The following LAPTM4A variants were observed in gnomAD, a reference collection of about 807,000 sequenced individuals.
The protein encoded by LAPTM4A is lysosomal protein transmembrane 4 alpha, also known as lysosomal-associated transmembrane protein 4A.
A neutral mutation model predicts 29.9 loss-of-function variants in LAPTM4A; 19 were observed. The ratio of observed to expected loss-of-function variants is 0.64; its 90% CI spans 0.44 to 0.93. LAPTM4A has a LOEUF of 0.93. Among genes scored for constraint, LAPTM4A ranks in the 40% least tolerant of loss-of-function variants. The pLI, the probability that LAPTM4A is intolerant of heterozygous loss-of-function variation, is 0.00. For synonymous variants in LAPTM4A, 105 were observed against 102.1 expected (o/e 1.03, Z -0.17); for missense variants, 293 against 288.5 (o/e 1.02, Z -0.11).
At chr2:20,048,484 C>T (rs2148215778) in intron 1 of LAPTM4A, among the ~76,000 whole-genome samples, 1 of 152,250 alleles carries the variant, frequency 6.6e-6, no homozygotes, top group East Asian at 1.9e-4. Flanking sequence ...CTATTTTGTA[C>T]CATACAATGA....
intron 1 of LAPTM4A, among the ~76,000 whole-genome samples, chr2:20,045,189 A>G (rs1673892210): frequency 1.3e-5 from 2 of 152,256 alleles, no homozygotes; most frequent in Admixed American, 6.5e-5. Context: ...GTAATCTTAC[A>G]ATACAAAATT....
Position 20,037,357 on chromosome 2 carries a change from G to A in LAPTM4A, c.391C>T (p.Leu131Phe), listed in dbSNP as rs11542929. 2.5e-6 allele frequency: 4 copies of A among 1,613,178 alleles called. No individual in the cohort carries two copies. Among genetic ancestry groups the A allele is most frequent in the Non-Finnish European group, 8.5e-7 (1 of 1,179,474 alleles). Residue 131 changes from leucine to phenylalanine, a missense_variant, in exon 4 of 7, where the codon CTC becomes TTC. By Grantham distance (22) the Leu-to-Phe change is conservative. Coordinates refer to ENST00000175091, the MANE Select transcript of LAPTM4A (RefSeq NM_014713.5). ...TCTTTGATTCTTGGCAAATAGGTGAGAGAACTAATAGCAACCAGGCAACTG... is the reference window on the plus strand; with the variant it reads ...TCTTTGATTCTTGGCAAATAGGTGAAAGAACTAATAGCAACCAGGCAACTG... ...VLSCLVAISSLTYLPRIKEYL... is the reference protein window; with the variant it reads ...VLSCLVAISSFTYLPRIKEYL...
intron 4 of LAPTM4A, 135 bp downstream of exon 4, chr2:20,037,181 G>A (rs947098779): frequency 1.5e-5 from 10 of 688,670 alleles, no homozygotes; most frequent in Non-Finnish European, 1.6e-5. Context: ...TAAGAGAGCA[G>A]AAATAATTAT....
intron 1 of LAPTM4A, among the ~76,000 whole-genome samples, chr2:20,046,623 G>A (rs1673924734): frequency 6.6e-6 from 1 of 150,462 alleles, no homozygotes; most frequent in African/African-American, 2.4e-5. Context: ...CTGTAGCTGG[G>A]ACTACAGGCA....
intron 6 of LAPTM4A, among the ~76,000 whole-genome samples, chr2:20,033,876 G>A (rs919814249): frequency 6.6e-6 from 1 of 152,180 alleles, no homozygotes; most frequent in Non-Finnish European, 1.5e-5. Context: ...TTAGAGGGCT[G>A]TGAAAGGTAG....
chr2:20,042,686 G>A (rs1408338835), intron 1 of LAPTM4A, among the ~76,000 whole-genome samples: 1 of 152,214 alleles, frequency 6.6e-6, no homozygotes, highest in East Asian at 1.9e-4. Flanking sequence ...GTCTCCCAGG[G>A]TTGTAAATCC....
chr2:20,036,248 C>G (rs2103495508), intron 4 of LAPTM4A, among the ~76,000 whole-genome samples: 1 of 152,332 alleles, frequency 6.6e-6, no homozygotes, highest in Non-Finnish European at 1.5e-5. Flanking sequence ...TGTGTGCCAG[C>G]CACCATGGCC....
intron 4 of LAPTM4A, among the ~76,000 whole-genome samples, chr2:20,036,629 T>G (rs1673682463): frequency 6.6e-6 from 1 of 152,224 alleles, no homozygotes; most frequent in Non-Finnish European, 1.5e-5. Context: ...AGAAAAGTTC[T>G]GAAAGACAGC....
chr2:20,037,440 T>C lies in LAPTM4A; in HGVS notation c.310-2A>G. 1 of 1,606,516 alleles carries C rather than the reference T, an allele frequency of 6.2e-7. No individual in the cohort carries two copies. Among genetic ancestry groups the C allele is most frequent in the Non-Finnish European group, 8.5e-7 (1 of 1,177,932 alleles). On this transcript the variant is annotated splice_acceptor_variant, in intron 3 of 6. Transcript: ENST00000175091. LOFTEE classifies it high-confidence loss of function. ...TGGAATCAGCCAACCCACTTGATAC[T>C]GGAGAAAAAATAACAACCATAACAT...
intron 1 of LAPTM4A, among the ~76,000 whole-genome samples, chr2:20,048,573 A>G (rs1433849172): frequency 6.6e-6 from 1 of 152,244 alleles, no homozygotes; most frequent in African/African-American, 2.4e-5. Flanking sequence ...AGACTGTATC[A>G]GATACAGTCA....
At chr2:20,046,815 A>G (rs1406743351) in intron 1 of LAPTM4A, among the ~76,000 whole-genome samples, 4 of 145,128 alleles carry the variant, frequency 2.8e-5, no homozygotes, top group Admixed American at 7.0e-5. Context: ...TTTTTTTGGT[A>G]GAGAGGGGGT....
At position 20,033,047 on chromosome 2, in the gene LAPTM4A, CAG is replaced by C. The variant is rs1236621735; in HGVS notation, c.*156_*157del. The C allele has an allele frequency of 2.1e-5, 13 of 632,472 alleles. No homozygotes were observed. The East Asian group carries it at 3.5e-4, about 17-fold the overall frequency. The allele number at this position is 632,472 out of a possible 1,614,324, so 39.2% of individuals were successfully genotyped here. A position where few individuals can be genotyped will look rare whatever the true frequency, so the allele number is the denominator to read the frequency against. On this transcript the variant is annotated 3_prime_UTR_variant, in exon 7 of 7. Coordinates refer to ENST00000175091, the MANE Select transcript of LAPTM4A (RefSeq NM_014713.5). The stretch of plus-strand genomic sequence containing the variant: ...AACAAAAAAACAAAAAGACGTTTAA[CAG>C]ATGTCAAAAAGCTCCTTAGTGTTTG...
chr2:20,037,249 A>G lies in LAPTM4A; in HGVS notation c.432+67T>C, dbSNP rs780267919. On this transcript the variant is annotated intron_variant, in intron 4 of 6. Coordinates refer to ENST00000175091, the MANE Select transcript of LAPTM4A (RefSeq NM_014713.5). The stretch of plus-strand genomic sequence containing the variant: ...TAAAAATAATACCTAAGGCTGATTC[A>G]GAATTTAAATGTAAACATTTTACTC... 1.7e-5 allele frequency: 23 copies of G among 1,350,598 alleles called. No individual in the cohort carries two copies. The Middle Eastern group carries it at 1.1e-3, about 67-fold the overall frequency. The allele number at this position is 1,350,598 out of a possible 1,614,324, so 83.7% of individuals were successfully genotyped here.
chr2:20,050,523 T>G (rs962857355), intron 1 of LAPTM4A, among the ~76,000 whole-genome samples: 1 of 152,210 alleles, frequency 6.6e-6, no homozygotes, highest in African/African-American at 2.4e-5. Context: ...TAAAACTACC[T>G]AAACTGAATC....
At chr2:20,038,313 T>C (rs777202465) in intron 2 of LAPTM4A, among the ~76,000 whole-genome samples, 1 of 152,192 alleles carries the variant, frequency 6.6e-6, no homozygotes, top group African/African-American at 2.4e-5. Context: ...CATTAATCCA[T>C]GTTCACTAAT....
intron 1 of LAPTM4A, among the ~76,000 whole-genome samples, chr2:20,045,075 C>T (rs548557159): frequency 2.6e-5 from 4 of 152,308 alleles, no homozygotes; most frequent in Admixed American, 6.5e-5. Flanking sequence ...CACCAACGAA[C>T]GCCTACCTTG....
chr2:20,042,221 TC>T (rs1421574328), intron 1 of LAPTM4A, among the ~76,000 whole-genome samples: 1 of 152,156 alleles, frequency 6.6e-6, no homozygotes, highest in African/African-American at 2.4e-5. Flanking sequence ...TGCTTTAGCC[TC>T]CCAACATGCT....
chr2:20,047,034 A>C (rs145384430), intron 1 of LAPTM4A, among the ~76,000 whole-genome samples: 3 of 152,090 alleles, frequency 2.0e-5, no homozygotes, highest in Non-Finnish European at 2.9e-5. Flanking sequence ...AGTACATACA[A>C]GAAGGATCCA....
At chr2:20,051,366 T>A in intron 1 of LAPTM4A, 44 bp downstream of exon 1, 1 of 977,916 alleles carries the variant, frequency 1.0e-6, no homozygotes, top group Non-Finnish European at 1.5e-6. Flanking sequence ...CAGGCCCCGC[T>A]CCCCAGGCCC....
Sources: gnomAD v4.1 joint callset for allele counts (sites outside exome capture counted in the v4.1 genomes callset) on GRCh38, gnomAD v4.1.1 for gene constraint, MANE v1.5 for transcripts, NCBI Gene and HGNC (gene_info 2026-07-23, HGNC 2026-07-21) for gene names.